The following EXOC4 variants were observed in gnomAD, a reference collection of about 807,000 sequenced individuals.
EXOC4 encodes the protein exocyst complex component 4, also known as SEC8-like 1.
EXOC4 carries 71 observed loss-of-function variants against 107.2 expected under a neutral mutation model. The ratio of observed to expected loss-of-function variants is 0.66; its 90% CI spans 0.55 to 0.81. EXOC4 has a LOEUF of 0.81. Among genes scored for constraint, EXOC4 ranks in the 30% least tolerant of loss-of-function variants. The pLI is 0.00. For synonymous variants in EXOC4, 456 were observed against 441.2 expected (o/e 1.03, Z -0.42); for missense variants, 1,108 against 1,189.6 (o/e 0.93, Z 1.01).
At chr7:133,594,587 T>C (rs1051934836) in intron 9 of EXOC4, among the ~76,000 whole-genome samples, 16 of 142,976 alleles carry the variant, frequency 1.1e-4, no homozygotes, top group Admixed American at 7.5e-4. Context: ...CTCCGCCTCC[T>C]GGTTCAAGCG....
At chr7:133,624,631 C>T (rs751421998) in intron 9 of EXOC4, among the ~76,000 whole-genome samples, 11 of 152,002 alleles carry the variant, frequency 7.2e-5, no homozygotes, top group Non-Finnish European at 1.2e-4. Flanking sequence ...CTCGCTCTGT[C>T]GGCCAGGTTG....
chr7:133,261,093 T>G (rs1301393585), intron 1 of EXOC4, among the ~76,000 whole-genome samples: 1 of 152,134 alleles, frequency 6.6e-6, no homozygotes, highest in Non-Finnish European at 1.5e-5. Flanking sequence ...GCTTTGGGTC[T>G]TTTTCATGTC....
intron 4 of EXOC4, among the ~76,000 whole-genome samples, chr7:133,310,316 C>T (rs1185060128): frequency 6.6e-6 from 1 of 152,114 alleles, no homozygotes; most frequent in Non-Finnish European, 1.5e-5. Flanking sequence ...ACAGTAAATC[C>T]TCACTTAATG....
At chr7:133,492,338 G>A (rs766122208) in intron 9 of EXOC4, among the ~76,000 whole-genome samples, 7 of 152,164 alleles carry the variant, frequency 4.6e-5, no homozygotes, top group Non-Finnish European at 8.8e-5. Context: ...GGTAGGTAAT[G>A]ATGTCATTTG....
Position 133,274,965 on chromosome 7 carries a change from C to A in EXOC4, c.87-17C>A. On this transcript the variant is annotated splice_polypyrimidine_tract_variant and intron_variant, in intron 1 of 17. Coordinates refer to ENST00000253861, the MANE Select transcript of EXOC4 (RefSeq NM_021807.4). ...TTCAAGTTTTACTTAGCTTGATATA[C>A]TCTCTGCCTTCACCAGGACTCTGTC... is the stretch of plus-strand genomic sequence containing the variant. The A allele has an allele frequency of 1.9e-6, 3 of 1,560,646 alleles. No individual in the cohort carries two copies. The highest frequency in any genetic ancestry group is 2.6e-6 in the Non-Finnish European group (3 of 1,153,758).
intron 9 of EXOC4, among the ~76,000 whole-genome samples, chr7:133,544,742 T>C (rs987047795): frequency 1.3e-5 from 2 of 152,102 alleles, no homozygotes; most frequent in African/African-American, 2.4e-5. Flanking sequence ...ATAACCTTTT[T>C]ATGTTCTGTT....
chr7:133,868,058 T>C (rs1200419719), intron 11 of EXOC4, among the ~76,000 whole-genome samples: 1 of 152,202 alleles, frequency 6.6e-6, no homozygotes, highest in Admixed American at 6.5e-5. Flanking sequence ...TTAAGCTGTT[T>C]TTTAGTAATA....
intron 9 of EXOC4, among the ~76,000 whole-genome samples, chr7:133,513,364 G>A (rs868776618): frequency 2.6e-5 from 4 of 151,912 alleles, no homozygotes; most frequent in Admixed American, 6.6e-5. Flanking sequence ...CACCACACCC[G>A]GCTTGATATT....
intron 13 of EXOC4, among the ~76,000 whole-genome samples, chr7:133,919,714 ATTATTGC>A (rs1414350236): frequency 2.6e-5 from 4 of 152,062 alleles, no homozygotes; most frequent in African/African-American, 9.7e-5. Context: ...ATTTTGTGGT[ATTATTGC>A]TCATTTCTTT....
intron 12 of EXOC4, among the ~76,000 whole-genome samples, chr7:133,905,650 G>A (rs946646744): frequency 6.6e-6 from 1 of 152,106 alleles, no homozygotes; most frequent in Non-Finnish European, 1.5e-5. Flanking sequence ...TTTCTTGGAG[G>A]TGGGGGATAA....
chr7:134,099,058 C>T, the EXOC4 span, among the ~76,000 whole-genome samples: 2,213 of 152,094 alleles, frequency 0.015, 24 homozygotes, highest in Non-Finnish European at 0.024. Context: ...CTGTGTCCTC[C>T]GCCAAAATGC....
At chr7:133,809,355 C>T (rs998775532) in intron 10 of EXOC4, among the ~76,000 whole-genome samples, 51 of 152,132 alleles carry the variant, frequency 3.4e-4, no homozygotes, top group African/African-American at 8.0e-4. Context: ...AGGATGGGAC[C>T]GTGTGGACTT....
chr7:133,796,942 A>G (rs907136878), intron 10 of EXOC4, among the ~76,000 whole-genome samples: 2 of 152,130 alleles, frequency 1.3e-5, no homozygotes, highest in African/African-American at 4.8e-5. Context: ...AATAGGAAGT[A>G]ATTGGATTGA....
chr7:133,488,393 G>C (rs902959312), intron 9 of EXOC4, among the ~76,000 whole-genome samples: 2 of 152,206 alleles, frequency 1.3e-5, no homozygotes, highest in Admixed American at 6.5e-5. Context: ...TTAACAAAGT[G>C]GGGGTGAGGA....
In EXOC4 at chr7:134,004,527, A is replaced by G. The variant is rs528058195; in HGVS notation, c.2349-385A>G. The stretch of plus-strand genomic sequence containing the variant: ...GCAACAATATCTGTTGAAAATTACA[A>G]TGCTTTTCACAGTATGCCTACAACC... On this transcript the variant is annotated intron_variant, in intron 15 of 17. Transcript: ENST00000253861. 1.1e-4 allele frequency among the ~76,000 whole-genome samples: 16 copies of G among 152,290 alleles called. 1 individual carries two copies. The South Asian group carries it at 2.5e-3, about 24-fold the overall frequency.
At chr7:134,029,625 TC>T (rs1795224539) in intron 17 of EXOC4, among the ~76,000 whole-genome samples, 1 of 152,156 alleles carries the variant, frequency 6.6e-6, no homozygotes, top group Admixed American at 6.5e-5. Flanking sequence ...GCTCAAGTGA[TC>T]CTCCCACTTC....
At chr7:133,736,817 T>C (rs1354967094) in intron 10 of EXOC4, among the ~76,000 whole-genome samples, 1 of 152,170 alleles carries the variant, frequency 6.6e-6, no homozygotes, top group Non-Finnish European at 1.5e-5. Flanking sequence ...TATGTTTGTG[T>C]AATATCACCC....
rs978428558 is a variant in EXOC4, at chr7:134,017,810, TTTGA to T, written c.2687+9978_2687+9981del. On this transcript the variant is annotated intron_variant, in intron 17 of 17. Coordinates refer to ENST00000253861, the MANE Select transcript of EXOC4 (RefSeq NM_021807.4). ...CATAAACATATCTCATGTGTGAGGC[TTTGA>T]TTAAGTAAGATTTCTTTTGATTATG... Among the ~76,000 whole-genome samples the T allele has an allele frequency of 4.6e-5, 7 of 152,326 alleles. No homozygotes were observed. In the South Asian group the frequency reaches 8.3e-4, roughly 18 times the overall value.
intron 6 of EXOC4, among the ~76,000 whole-genome samples, chr7:133,369,129 G>A (rs745851176): frequency 1.3e-5 from 2 of 152,206 alleles, no homozygotes; most frequent in African/African-American, 4.8e-5. Flanking sequence ...ATCTTGTGTT[G>A]TGGGCAGTCA....
Sources: gnomAD v4.1 joint callset for allele counts (sites outside exome capture counted in the v4.1 genomes callset) on GRCh38, gnomAD v4.1.1 for gene constraint, MANE v1.5 for transcripts, NCBI Gene and HGNC (gene_info 2026-07-23, HGNC 2026-07-21) for gene names.